Variants in SCN9A observed in about 807,000 individuals in gnomAD.
SCN9A encodes the protein sodium channel protein type 9 subunit alpha.
Under a neutral mutation model 187.0 loss-of-function variants are expected in SCN9A, and 131 were observed. The observed-to-expected ratio is 0.70, with a 90% CI of 0.61 to 0.81. SCN9A has a LOEUF of 0.81. Ranked by LOEUF, SCN9A falls within the 30% of genes least tolerant of loss-of-function variation. SCN9A has a pLI of 0.00. For synonymous variants in SCN9A, 809 were observed against 808.6 expected (o/e 1.00, Z -0.01); for missense variants, 2,252 against 2,396.6 (o/e 0.94, Z 1.26).
intron 1 of SCN9A, among the ~76,000 whole-genome samples, chr2:166,354,353 C>CTTT (rs35433129): frequency 6.6e-6 from 1 of 151,070 alleles, no homozygotes; most frequent in African/African-American, 2.4e-5. Context: ...ATTAAAGTAG[C>CTTT]TTTTTTTTTC....
intron 17 of SCN9A, among the ~76,000 whole-genome samples, chr2:166,255,025 A>G (rs1031627943): frequency 1.3e-5 from 2 of 151,406 alleles, no homozygotes; most frequent in Non-Finnish European, 3.0e-5. Flanking sequence ...TTTTAAATGT[A>G]TAATAGTATT....
chr2:166,305,487 T>G (rs1698724068), intron 5 of SCN9A, among the ~76,000 whole-genome samples: 1 of 152,162 alleles, frequency 6.6e-6, no homozygotes, highest in African/African-American at 2.4e-5. Flanking sequence ...TTTTATTCAT[T>G]TTTAAACAAG....
In SCN9A at chr2:166,322,538, A is replaced by C. The variant is rs374522881; in HGVS notation, c.-50-10732T>G. Among the ~76,000 whole-genome samples, 5 of 152,202 alleles carry C rather than the reference A, an allele frequency of 3.3e-5. No individual in the cohort carries two copies. In the South Asian group the frequency reaches 1.0e-3, roughly 32 times the overall value. ...TAGATTGTGATGGTTAACTGTATAT[A>C]AAGTGCTTAACAGGAAGAGTTTTGC... On this transcript the variant is annotated intron_variant, in intron 1 of 26. Transcript: ENST00000642356.
At chr2:166,370,548 A>T (rs1398552628) in intron 1 of SCN9A, among the ~76,000 whole-genome samples, 3 of 151,552 alleles carry the variant, frequency 2.0e-5, no homozygotes, top group Non-Finnish European at 4.4e-5. Flanking sequence ...GTCTCAAAAA[A>T]ATAAAAAATA....
At chr2:166,265,294 G>A (rs1478129995) in intron 17 of SCN9A, among the ~76,000 whole-genome samples, 2 of 151,890 alleles carry the variant, frequency 1.3e-5, no homozygotes, top group Admixed American at 6.6e-5. Flanking sequence ...CCACATATGT[G>A]TGAGATATTT....
intron 1 of SCN9A, among the ~76,000 whole-genome samples, chr2:166,371,547 G>T (rs552650520): frequency 1.3e-5 from 2 of 152,246 alleles, no homozygotes; most frequent in South Asian, 2.1e-4. Flanking sequence ...AGAATGGCAG[G>T]ACACCAAAAT....
rs202152511 is a variant in SCN9A at position 166,277,138 on chromosome 2, G to A, written c.2719C>T (p.Arg907Trp). ...TGGAAGAAGTCGTTCATGTGCCACC[G>A]TGGGAGCGTACAGTCATCATTGATC... The part of the protein sequence containing the change: ...CKINDDCTLP[R>W]WHMNDFFHSF... The change falls in exon 16 of 27, where the codon CGG (arginine) becomes TGG (tryptophan). Residue 907 changes from arginine (R) to tryptophan (W), a missense_variant. Arg to Trp is a moderately radical substitution (Grantham distance 101). Around this residue, in one of 7 missense-constraint regions of SCN9A, gnomAD observed 119 missense variants for 188.7 expected, o/e 0.63. Transcript: ENST00000642356. 54 of 1,613,898 alleles carry A rather than the reference G, an allele frequency of 3.3e-5. No individual in the cohort carries two copies. Among genetic ancestry groups the A allele is most frequent in the African/African-American group, 6.7e-5 (5 of 74,884 alleles).
In SCN9A at chr2:166,238,630, T is replaced by C. The variant is rs558162476; in HGVS notation, c.3628-363A>G. The stretch of plus-strand genomic sequence containing the variant: ...AAGACATGATCCCATGGCCAGCCAC[T>C]GTTATAAACTTTTCACATCCTACAC... On this transcript the variant is annotated intron_variant, in intron 19 of 26. Transcript: ENST00000642356. 3.3e-5 allele frequency among the ~76,000 whole-genome samples: 5 copies of C among 152,340 alleles called. No individual in the cohort carries two copies. In the South Asian group the frequency reaches 1.0e-3, roughly 32 times the overall value.
Position 166,228,652 on chromosome 2 carries a change from C to G in SCN9A, c.4206+39G>C, listed in dbSNP as rs139062997. 149 of 1,487,938 alleles carry G rather than the reference C, an allele frequency of 1.0e-4. 1 individual carries two copies. The East Asian group carries it at 3.3e-3, about 33-fold the overall frequency. 92.2% of individuals were successfully genotyped at this position (1,487,938 alleles called of 1,614,324 possible). On this transcript the variant is annotated intron_variant, in intron 22 of 26. Coordinates refer to ENST00000642356, the MANE Select transcript of SCN9A (RefSeq NM_001365536.1). Reference sequence around the variant, plus strand: ...ATAACTTATATCCTTCGTCCAATATCTATTAAAATACCAAGCACTCATGAA... The same window carrying G: ...ATAACTTATATCCTTCGTCCAATATGTATTAAAATACCAAGCACTCATGAA...
intron 2 of SCN9A, 76 bp downstream of exon 2, chr2:166,311,423 C>G (rs1698951954): frequency 8.5e-7 from 1 of 1,172,610 alleles, no homozygotes; most frequent in Non-Finnish European, 1.1e-6. Context: ...CTAAATTTCA[C>G]TAATCTCAAT....
At chr2:166,373,074 A>G (rs966936039) in intron 1 of SCN9A, among the ~76,000 whole-genome samples, 1 of 152,224 alleles carries the variant, frequency 6.6e-6, no homozygotes, top group African/African-American at 2.4e-5. Context: ...GTAAGCACGC[A>G]TAGAGTTCAG....
At chr2:166,288,679 A>G in intron 9 of SCN9A, 36 bp from the exon 10 acceptor site, 5 of 1,490,080 alleles carry the variant, frequency 3.4e-6, no homozygotes, top group Non-Finnish European at 4.5e-6. Context: ...TGAACAATAA[A>G]AAGTTTTTTT....
chr2:166,302,460 C>G (rs1698596179), intron 7 of SCN9A: 2 of 152,110 alleles, frequency 1.3e-5, no homozygotes, highest in Non-Finnish European at 2.9e-5. Context: ...ATCTTGCCAT[C>G]AGCCTATATT....
chr2:166,324,412 T>C (rs1177770400), intron 1 of SCN9A, among the ~76,000 whole-genome samples: 1 of 152,132 alleles, frequency 6.6e-6, no homozygotes, highest in African/African-American at 2.4e-5. Flanking sequence ...AATGTAAAGA[T>C]AAATAAAAAA....
At chr2:166,287,717 A>T (rs1697833539) in intron 10 of SCN9A, among the ~76,000 whole-genome samples, 1 of 151,956 alleles carries the variant, frequency 6.6e-6, no homozygotes, top group South Asian at 2.1e-4. Context: ...TGGAAAGAGG[A>T]TTAAGGAGGA....
intron 1 of SCN9A, among the ~76,000 whole-genome samples, chr2:166,356,940 C>G (rs190666356): frequency 6.6e-6 from 1 of 152,068 alleles, no homozygotes; most frequent in South Asian, 2.1e-4. Flanking sequence ...CTTTTTTTAA[C>G]CTACTCTTTT....
At chr2:166,353,572 C>T (rs1238067232) in intron 1 of SCN9A, among the ~76,000 whole-genome samples, 3 of 152,192 alleles carry the variant, frequency 2.0e-5, no homozygotes, top group Admixed American at 6.5e-5. Flanking sequence ...TCTGCATCCT[C>T]ATAATGTTCC....
In SCN9A at chr2:166,302,078, A is replaced by G. The variant is rs193003852; in HGVS notation, c.901+1012T>C. 220 of 151,088 alleles carry G rather than the reference A, an allele frequency of 1.5e-3. 14 individuals are homozygous for G. The highest frequency in any genetic ancestry group is 5.0e-3 in the African/African-American group (202 of 40,428). 9.4% of individuals were successfully genotyped at this position (151,088 alleles called of 1,614,324 possible). A position where few individuals can be genotyped will look rare whatever the true frequency, so the allele number is the denominator to read the frequency against. On this transcript the variant is annotated intron_variant, in intron 7 of 26. Transcript: ENST00000642356. ...GATGTATATTACTTTTTATTATCTA[A>G]GGAGAATCCTGACCTTTCCTCCCTC...
intron 1 of SCN9A, among the ~76,000 whole-genome samples, chr2:166,365,148 T>C (rs774469859): frequency 3.9e-5 from 6 of 152,138 alleles, no homozygotes; most frequent in Non-Finnish European, 8.8e-5. Flanking sequence ...TTTGTCTTAT[T>C]AGCCCTGCCC....
Sources: gnomAD v4.1 joint callset for allele counts (sites outside exome capture counted in the v4.1 genomes callset) on GRCh38, gnomAD v4.1.1 for gene constraint, gnomAD v4.1.1 regional missense constraint, MANE v1.5 for transcripts, NCBI Gene and HGNC (gene_info 2026-07-23, HGNC 2026-07-21) for gene names.